The following DGKA variants were observed in gnomAD, a reference collection of about 807,000 sequenced individuals.
DGKA encodes the protein diacylglycerol kinase alpha, also known as 80 kDa diacylglycerol kinase.
Under a neutral mutation model 105.0 loss-of-function variants are expected in DGKA, and 35 were observed. That is an observed-to-expected ratio of 0.33 (90% CI 0.25 to 0.44). The LOEUF (loss-of-function observed/expected upper bound fraction) is 0.44. Ranked by LOEUF, DGKA falls within the 20% of genes least tolerant of loss-of-function variation. The probability of loss-of-function intolerance (pLI) is 1.00; values close to 1 mark genes in which losing one functional copy is unlikely to be tolerated. For synonymous variants in DGKA, 296 were observed against 332.0 expected (o/e 0.89, Z 1.18); for missense variants, 665 against 915.0 (o/e 0.73, Z 3.53).
At chr12:55,946,244 C>G (rs1019807678) in intron 17 of DGKA, among the ~76,000 whole-genome samples, 3 of 152,012 alleles carry the variant, frequency 2.0e-5, no homozygotes, top group African/African-American at 7.3e-5. Flanking sequence ...GGTCTGGGCT[C>G]AATACCACCT....
rs969559926 is a variant in DGKA at position 55,932,687 on chromosome 12, C to T, written c.-82+1343C>T. On this transcript the variant is annotated intron_variant, in intron 1 of 23. Coordinates refer to ENST00000331886, the MANE Select transcript of DGKA (RefSeq NM_001345.5). The surrounding 1 kb of genome is among the most constrained non-coding windows in gnomAD (Gnocchi z 4.3). ...CTTCCTCCTATACTACGCAATGACA[C>T]CCTCTACACACACACACACACGCAC... is the stretch of plus-strand genomic sequence containing the variant. 926 of 668,180 alleles carry T rather than the reference C, an allele frequency of 1.4e-3. 9 individuals are homozygous for T. Among genetic ancestry groups the T allele is most frequent in the East Asian group, 8.2e-4 (30 of 36,694 alleles). The allele number at this position is 668,180 out of a possible 1,614,324, so 41.4% of individuals were successfully genotyped here. A position where few individuals can be genotyped will look rare whatever the true frequency, so the allele number is the denominator to read the frequency against.
chr12:55,951,652 C>T lies in DGKA; in HGVS notation c.1456C>T (p.Leu486Phe). ...TGAAGGACAGAATCTGGCAAAGATC[C>T]TCAAGGATTTAGAGATGAGTAAAGT... The part of the protein sequence containing the change: ...GYEGQNLAKI[L>F]KDLEMSKVVH... The change falls in exon 18 of 24, where the codon CTC (leucine) becomes TTC (phenylalanine). Residue 486 changes from leucine to phenylalanine, a missense_variant. Physicochemically the swap from Leu to Phe is conservative, Grantham distance 22. Transcript: ENST00000331886. The T allele has an allele frequency of 1.2e-6, 2 of 1,614,028 alleles. No individual in the cohort carries two copies. Among genetic ancestry groups the T allele is most frequent in the Non-Finnish European group, 1.7e-6 (2 of 1,180,016 alleles).
At position 55,952,094 on chromosome 12, in the gene DGKA, C is replaced by A; in HGVS notation, c.1647C>A (p.Asn549Lys). 1.2e-6 allele frequency: 2 copies of A among 1,614,018 alleles called. No individual in the cohort carries two copies. Among genetic ancestry groups the A allele is most frequent in the South Asian group, 2.2e-5 (2 of 91,076 alleles). Residue 549 changes from asparagine to lysine, a missense_variant, in exon 19 of 24, where the codon AAC (asparagine) becomes AAA (lysine). Coordinates refer to ENST00000331886, the MANE Select transcript of DGKA (RefSeq NM_001345.5). This position sits in a 1 kb window ranked among gnomAD's most constrained non-coding sequence, Gnocchi z 5.1. Reference protein sequence around the residue: ...IMREKYPEKFNSRMKNKLWYF... With the variant: ...IMREKYPEKFKSRMKNKLWYF... ...GAGAGAAATATCCGGAGAAGTTCAA[C>A]AGCAGGTTAGGGAAAGGAGGGGGCA...
chr12:55,940,061 A>G lies in DGKA; in HGVS notation c.710-21A>G. On this transcript the variant is annotated intron_variant, in intron 9 of 23. Coordinates refer to ENST00000331886, the MANE Select transcript of DGKA (RefSeq NM_001345.5). This position sits in a 1 kb window ranked among gnomAD's most constrained non-coding sequence, Gnocchi z 4.3. ...GGGGAGAGGCTCAGCTAAGCCTCCC[A>G]ACTTCTTCCTTCTCCCTCAGTCTGT... 1 of 1,610,882 alleles carries G rather than the reference A, an allele frequency of 6.2e-7. No homozygotes were observed. The highest frequency in any genetic ancestry group is 8.5e-7 in the Non-Finnish European group (1 of 1,177,052).
In DGKA at chr12:55,937,006, C is replaced by A. The variant is rs763733604; in HGVS notation, c.65-11C>A. ...TAATAATGCTGTTCTCTTACTCTCT[C>A]TACACCCTAGACTCCACCAAAAAGG... On this transcript the variant is annotated splice_polypyrimidine_tract_variant and intron_variant, in intron 2 of 23. Coordinates refer to ENST00000331886, the MANE Select transcript of DGKA (RefSeq NM_001345.5). The A allele has an allele frequency of 6.2e-7, 1 of 1,613,502 alleles. No homozygotes were observed. The highest frequency in any genetic ancestry group is 8.5e-7 in the Non-Finnish European group (1 of 1,179,418).
chr12:55,952,834 C>G lies in DGKA; in HGVS notation c.1844C>G (p.Thr615Ser). The change falls in exon 21 of 24, where the codon ACC becomes AGC. Residue 615 changes from threonine to serine, a missense_variant. Transcript: ENST00000331886. This position sits in a 1 kb window ranked among gnomAD's most constrained non-coding sequence, Gnocchi z 5.1. ...MHGGSNLWGD[T>S]RRPHGDIYGI... Reference sequence around the variant, plus strand: ...GGTGGCTCCAACCTCTGGGGTGATACCAGGAGACCCCATGGGGATATCTAT... The same window carrying G: ...GGTGGCTCCAACCTCTGGGGTGATAGCAGGAGACCCCATGGGGATATCTAT... 3 of 1,614,102 alleles carry G rather than the reference C, an allele frequency of 1.9e-6. No individual in the cohort carries two copies. The highest frequency in any genetic ancestry group is 2.5e-6 in the Non-Finnish European group (3 of 1,180,014).
In DGKA at chr12:55,940,096, G is replaced by A. The variant is rs756708676; in HGVS notation, c.724G>A (p.Val242Ile). 55 of 1,614,092 alleles carry A rather than the reference G, an allele frequency of 3.4e-5. No individual in the cohort carries two copies. Among genetic ancestry groups the A allele is most frequent in the Non-Finnish European group, 4.3e-5 (51 of 1,180,034 alleles). ...TTCTCCCTCAGTCTGTAAGTACACT[G>A]TTCACGACCAGTGTGCCATGAAAGC... ...GLSCNLCKYT[V>I]HDQCAMKALP... The change falls in exon 10 of 24, where the codon GTT becomes ATT. Residue 242 changes from valine (V) to isoleucine (I), a missense_variant. Val to Ile is a conservative substitution (Grantham distance 29). Coordinates refer to ENST00000331886, the MANE Select transcript of DGKA (RefSeq NM_001345.5). This position sits in a 1 kb window ranked among gnomAD's most constrained non-coding sequence, Gnocchi z 4.3.
chr12:55,946,371 T>G (rs987903611), intron 17 of DGKA, among the ~76,000 whole-genome samples: 4 of 151,758 alleles, frequency 2.6e-5, no homozygotes, highest in Admixed American at 6.6e-5. Flanking sequence ...TGTTGTTGTT[T>G]TTGGAGATGG....
In DGKA at chr12:55,937,997, T is replaced by C; in HGVS notation, c.294T>C (p.Asp98=). The part of the protein sequence containing the change: ...NVTKDVVCLN[D]VSCYFSLLEG... ...AACCAGATGTGGTGTGTCTCAATGA[T>C]GTTTCCTGCTACTTTTCCCTTCTGG... Residue 98 remains aspartate, a synonymous_variant, in exon 5 of 24, where the codon GAT becomes GAC. Coordinates refer to ENST00000331886, the MANE Select transcript of DGKA (RefSeq NM_001345.5). 1 of 1,614,220 alleles carries C rather than the reference T, an allele frequency of 6.2e-7. No homozygotes were observed.
In DGKA at chr12:55,952,766, G is replaced by C. The variant is rs148709501; in HGVS notation, c.1776G>C (p.Leu592=). Residue 592 remains leucine (L), a synonymous_variant, in exon 21 of 24, where the codon CTG becomes CTC. Transcript: ENST00000331886. This position sits in a 1 kb window ranked among gnomAD's most constrained non-coding sequence, Gnocchi z 5.1. ...ICGKPLDLSN[L]SLEGIAVLNI... ...GGAAACCGCTGGATCTGAGCAACCTGTCCCTAGAAGGCATCGCAGTGCTAA... is the reference window on the plus strand; with the variant it reads ...GGAAACCGCTGGATCTGAGCAACCTCTCCCTAGAAGGCATCGCAGTGCTAA... 2.5e-6 allele frequency: 4 copies of C among 1,614,118 alleles called. No homozygotes were observed. The South Asian group carries it at 4.4e-5, about 18-fold the overall frequency.
In DGKA at chr12:55,941,278, A is replaced by C. The variant is rs762612921; in HGVS notation, c.1128A>C (p.Pro376=). ...TTGACCCTGTTCCTAACACCCACCCACTTCTCGTCTTTGTCAATCCTAAGA... is the reference window on the plus strand; with the variant it reads ...TTGACCCTGTTCCTAACACCCACCCCCTTCTCGTCTTTGTCAATCCTAAGA... ...LRIDPVPNTH[P]LLVFVNPKSG... Residue 376 remains proline (P), a synonymous_variant, in exon 14 of 24, where the codon CCA becomes CCC. Coordinates refer to ENST00000331886, the MANE Select transcript of DGKA (RefSeq NM_001345.5). The C allele has an allele frequency of 3.3e-5, 53 of 1,613,476 alleles. No homozygotes were observed. Among genetic ancestry groups the C allele is most frequent in the Non-Finnish European group, 4.2e-5 (50 of 1,179,642 alleles).
Position 55,951,443 on chromosome 12 carries a change from A to G in DGKA, c.1427-180A>G, listed in dbSNP as rs1051417456. On this transcript the variant is annotated intron_variant, in intron 17 of 23. Transcript: ENST00000331886. ...CACATTGGAAACATTCACCCTCCAC[A>G]CAGCATGGAGGAAAGGTCCATGGGA... is the stretch of plus-strand genomic sequence containing the variant. Among the ~76,000 whole-genome samples the G allele has an allele frequency of 3.9e-5, 6 of 152,094 alleles. 1 individual carries two copies. Among genetic ancestry groups the G allele is most frequent in the Admixed American group, 6.5e-5 (1 of 15,272 alleles).
chr12:55,941,412 G>C, intron 14 of DGKA, 87 bp downstream of exon 14: 1 of 1,581,068 alleles, frequency 6.3e-7, no homozygotes. Context: ...TGTGTGTCTG[G>C]AGGGGCATAC....
intron 9 of DGKA, 31 bp downstream of exon 9, chr12:55,939,560 G>A (rs371412588): frequency 3.1e-6 from 5 of 1,605,958 alleles, no homozygotes; most frequent in Non-Finnish European, 4.3e-6. Flanking sequence ...GGTAGGGGAA[G>A]AGGGTCAGCC....
Position 55,940,632 on chromosome 12 carries a change from T to G in DGKA, c.927T>G (p.Asp309Glu). The change falls in exon 12 of 24, where the codon GAT (aspartate) becomes GAG (glutamate). Residue 309 changes from aspartate (D) to glutamate (E), a missense_variant. Asp to Glu is a conservative substitution (Grantham distance 45). This residue lies in a region of DGKA where 504 missense variants were observed against 681.2 expected (regional missense o/e 0.74). Transcript: ENST00000331886. The surrounding 1 kb of genome is among the most constrained non-coding windows in gnomAD (Gnocchi z 4.3). ...CCCACCTCGTCTTTCAGATCCACGA[T>G]GACTGCCTGCAAGCGGTGGGCCATG... is the stretch of plus-strand genomic sequence containing the variant. ...HCVWCHLEIH[D>E]DCLQAVGHEC... 1 of 1,581,924 alleles carries G rather than the reference T, an allele frequency of 6.3e-7. No individual in the cohort carries two copies. The highest frequency in any genetic ancestry group is 8.6e-7 in the Non-Finnish European group (1 of 1,166,692).
intron 17 of DGKA, among the ~76,000 whole-genome samples, chr12:55,951,305 G>A (rs1292678174): frequency 2.6e-5 from 4 of 152,104 alleles, no homozygotes; most frequent in Non-Finnish European, 5.9e-5. Context: ...AAGCATCAGG[G>A]GTCAAGGGTG....
intron 1 of DGKA, among the ~76,000 whole-genome samples, chr12:55,934,742 TCTGA>T (rs1213342260): frequency 6.6e-6 from 1 of 152,252 alleles, no homozygotes; most frequent in African/African-American, 2.4e-5. Context: ...TCTCCTTTCC[TCTGA>T]CTGTCAGGTG....
intron 17 of DGKA, among the ~76,000 whole-genome samples, chr12:55,949,382 A>G (rs543367297): frequency 6.6e-6 from 1 of 152,278 alleles, no homozygotes; most frequent in South Asian, 2.1e-4. Context: ...TATTTTTAGC[A>G]GAGACAGGGT....
chr12:55,940,033 TA>T lies in DGKA; in HGVS notation c.710-48del. On this transcript the variant is annotated intron_variant, in intron 9 of 23. Transcript: ENST00000331886. This position sits in a 1 kb window ranked among gnomAD's most constrained non-coding sequence, Gnocchi z 4.3. ...GCCTCACCCTCAGGTAAGAAGGAAATAGGGGGAGAGGCTCAGCTAAGCCTCC... is the reference window on the plus strand; with the variant it reads ...GCCTCACCCTCAGGTAAGAAGGAAATGGGGGAGAGGCTCAGCTAAGCCTCC... The T allele has an allele frequency of 2.7e-6, 4 of 1,505,300 alleles. No homozygotes were observed. Among genetic ancestry groups the T allele is most frequent in the Non-Finnish European group, 3.7e-6 (4 of 1,081,842 alleles). 93.2% of individuals were successfully genotyped at this position (1,505,300 alleles called of 1,614,324 possible).
Sources: gnomAD v4.1 joint callset for allele counts (sites outside exome capture counted in the v4.1 genomes callset) on GRCh38, gnomAD v4.1.1 for gene constraint, gnomAD v4.1.1 regional missense constraint, Gnocchi (gnomAD v3.1) non-coding constraint, MANE v1.5 for transcripts, NCBI Gene and HGNC (gene_info 2026-07-23, HGNC 2026-07-21) for gene names.